ZFPM1: variants seen among roughly 807,000 people sequenced by gnomAD.
ZFPM1 encodes the protein zinc finger protein ZFPM1.
Under a neutral mutation model 46.3 loss-of-function variants are expected in ZFPM1, and 28 were observed. That is an observed-to-expected ratio of 0.60 (90% confidence interval 0.45 to 0.83). The LOEUF (loss-of-function observed/expected upper bound fraction) is 0.83. ZFPM1 is among the 40% of genes least tolerant of loss of function. The pLI is 0.00. For synonymous variants in ZFPM1, 957 were observed against 675.9 expected (o/e 1.42, Z -6.45); for missense variants, 1,878 against 1,432.4 (o/e 1.31, Z -5.02).
intron 1 of ZFPM1, among the ~76,000 whole-genome samples, chr16:88,473,830 G>T (rs1434154878): frequency 1.3e-5 from 2 of 152,134 alleles, no homozygotes; most frequent in African/African-American, 2.4e-5. Flanking sequence ...CCTTCACCCT[G>T]TGCGGTGGTC....
intron 1 of ZFPM1, among the ~76,000 whole-genome samples, chr16:88,476,136 G>A (rs1343203291): frequency 6.6e-6 from 1 of 152,090 alleles, no homozygotes; most frequent in Non-Finnish European, 1.5e-5. Flanking sequence ...GGGCACCTTC[G>A]GCCAACCAGG....
At chr16:88,462,938 A>T (rs1228554108) in intron 1 of ZFPM1, among the ~76,000 whole-genome samples, 1 of 152,146 alleles carries the variant, frequency 6.6e-6, no homozygotes, top group African/African-American at 2.4e-5. Flanking sequence ...TGTGGTCTGT[A>T]ACAAAATCCA....
chr16:88,508,076 C>T (rs1362524592), intron 3 of ZFPM1, among the ~76,000 whole-genome samples: 1 of 152,188 alleles, frequency 6.6e-6, no homozygotes, highest in Non-Finnish European at 1.5e-5. Flanking sequence ...GTGGGCAGAT[C>T]ATTTGAGGTC....
chr16:88,533,670 C>T lies in ZFPM1; in HGVS notation c.1712C>T (p.Pro571Leu), dbSNP rs772503019. 12 of 1,471,480 alleles carry T rather than the reference C, an allele frequency of 8.2e-6. No individual in the cohort carries two copies. The highest frequency in any genetic ancestry group is 1.0e-5 in the Non-Finnish European group (11 of 1,103,834). The allele number at this position is 1,471,480 out of a possible 1,614,324, so 91.2% of individuals were successfully genotyped here. ...GAGGAQTGLF[P>L]GAPKGATCFE... The stretch of plus-strand genomic sequence containing the variant: ...GGCGGCGCGCAGACCGGGCTCTTCC[C>T]CGGGGCCCCCAAGGGCGCTACGTGC... Residue 571 changes from proline to leucine, a missense_variant, in exon 10 of 10, where the codon CCC becomes CTC. Physicochemically the swap from Pro to Leu is moderately conservative, Grantham distance 98 (BLOSUM62 -3). Coordinates refer to ENST00000319555, the MANE Select transcript of ZFPM1 (RefSeq NM_153813.3).
At chr16:88,457,468 G>T (rs1467975202) in intron 1 of ZFPM1, among the ~76,000 whole-genome samples, 1 of 152,184 alleles carries the variant, frequency 6.6e-6, no homozygotes, top group Admixed American at 6.5e-5. Flanking sequence ...TGCCATCCAG[G>T]GGCTGCAGGT....
chr16:88,464,732 G>A lies in ZFPM1; in HGVS notation c.40+11054G>A, dbSNP rs143888135. Among the ~76,000 whole-genome samples the A allele has an allele frequency of 2.2e-3, 342 of 152,314 alleles. 3 individuals carry two copies. Among genetic ancestry groups the A allele is most frequent in the African/African-American group, 7.9e-3 (327 of 41,568 alleles). On this transcript the variant is annotated intron_variant, in intron 1 of 9. Coordinates refer to ENST00000319555, the MANE Select transcript of ZFPM1 (RefSeq NM_153813.3). ...TCCGCCCTGCACTGTCTCCTGGTCC[G>A]GGCCTCTGGCGGGCACAGGTTTCAG...
chr16:88,499,831 C>A (rs2142397537), intron 3 of ZFPM1, among the ~76,000 whole-genome samples: 1 of 152,304 alleles, frequency 6.6e-6, no homozygotes, highest in Admixed American at 6.5e-5. Flanking sequence ...GCCCACCCAT[C>A]CAGCCTCTCC....
chr16:88,484,905 G>A (rs1329581669), intron 1 of ZFPM1, among the ~76,000 whole-genome samples: 1 of 152,230 alleles, frequency 6.6e-6, no homozygotes, highest in African/African-American at 2.4e-5. Flanking sequence ...CACCTGTCAG[G>A]TGGACTCCTG....
chr16:88,518,961 G>A (rs1262457995), intron 4 of ZFPM1, among the ~76,000 whole-genome samples: 1 of 149,334 alleles, frequency 6.7e-6, no homozygotes, highest in Non-Finnish European at 1.5e-5. Context: ...TGGATAAGTG[G>A]ATGGATGGGA....
chr16:88,513,758 C>T (rs983615944), intron 3 of ZFPM1, among the ~76,000 whole-genome samples: 8 of 152,208 alleles, frequency 5.3e-5, no homozygotes, highest in Admixed American at 3.3e-4. Flanking sequence ...CAAGTGTCGG[C>T]AGCACCAGGC....
chr16:88,527,845 G>A (rs566670114), intron 5 of ZFPM1, among the ~76,000 whole-genome samples, 187 bp from the exon 6 acceptor site: 2 of 151,268 alleles, frequency 1.3e-5, no homozygotes, highest in Non-Finnish European at 3.0e-5. Flanking sequence ...CTGGAGGCAG[G>A]CAGGCTGTGA....
intron 1 of ZFPM1, among the ~76,000 whole-genome samples, chr16:88,465,656 G>A (rs940123729): frequency 1.3e-5 from 2 of 152,210 alleles, no homozygotes; most frequent in African/African-American, 2.4e-5. Flanking sequence ...GAGGGGGAGG[G>A]GCTTGCCTGC....
intron 6 of ZFPM1, chr16:88,531,079 G>A (rs1020011061): frequency 1.3e-5 from 2 of 152,270 alleles, no homozygotes; most frequent in Non-Finnish European, 2.9e-5. Flanking sequence ...CTAACCTGCA[G>A]AGGCAGAAAC....
At chr16:88,454,787 G>A (rs1005055725) in intron 1 of ZFPM1, among the ~76,000 whole-genome samples, 1 of 152,040 alleles carries the variant, frequency 6.6e-6, no homozygotes, top group Non-Finnish European at 1.5e-5. Context: ...GGAGCCTGAC[G>A]GGCAGGTCGT....
At chr16:88,517,222 A>ATGGG (rs1567548153) in intron 4 of ZFPM1, among the ~76,000 whole-genome samples, 5 of 80,674 alleles carry the variant, frequency 6.2e-5, no homozygotes, top group African/African-American at 1.4e-4. Context: ...GGATGGATGG[A>ATGGG]TGGATGGGTG....
chr16:88,479,164 G>A (rs972871962), intron 1 of ZFPM1, among the ~76,000 whole-genome samples: 19 of 152,200 alleles, frequency 1.2e-4, no homozygotes, highest in African/African-American at 2.7e-4. Context: ...GGGTGTGGGC[G>A]GTGAGTCCCG....
intron 1 of ZFPM1, among the ~76,000 whole-genome samples, chr16:88,475,167 A>G (rs35058774): frequency 0.067 from 10,208 of 152,296 alleles, 920 homozygotes; most frequent in African/African-American, 0.21. Flanking sequence ...GCCATGCCCG[A>G]TGCCAGCCCT....
rs796907015 is a variant in ZFPM1, at chr16:88,491,053, T to C, written c.268+1900T>C. Among the ~76,000 whole-genome samples, 892 of 139,852 alleles carry C rather than the reference T, an allele frequency of 6.4e-3. 8 individuals are homozygous for C. Among genetic ancestry groups the C allele is most frequent in the African/African-American group, 0.022 (816 of 36,810 alleles). The allele number at this position is 139,852 out of a possible 152,430, so 91.7% of individuals were successfully genotyped here. ...TCAGGCGCTGGTGCCTTCGGGGGTCTCGGTCAGGCGCTGGTGCCTTCGCGG... is the reference window on the plus strand; with the variant it reads ...TCAGGCGCTGGTGCCTTCGGGGGTCCCGGTCAGGCGCTGGTGCCTTCGCGG... On this transcript the variant is annotated intron_variant, in intron 3 of 9. Transcript: ENST00000319555.
chr16:88,527,052 C>G (rs542842664), intron 5 of ZFPM1, 136 bp downstream of exon 5: 1 of 1,377,138 alleles, frequency 7.3e-7, no homozygotes, highest in Non-Finnish European at 9.7e-7. Flanking sequence ...TGGCCCCGGG[C>G]GCTGCAGCAT....
Sources: gnomAD v4.1 joint callset for allele counts (sites outside exome capture counted in the v4.1 genomes callset) on GRCh38, gnomAD v4.1.1 for gene constraint, MANE v1.5 for transcripts, NCBI Gene and HGNC (gene_info 2026-07-23, HGNC 2026-07-21) for gene names.